The following LRRK1 variants were observed in gnomAD, a reference collection of about 807,000 sequenced individuals.
The protein encoded by LRRK1 is leucine-rich repeat serine/threonine-protein kinase 1.
LRRK1 carries 113 observed loss-of-function variants against 209.1 expected under a neutral mutation model. That is an observed-to-expected ratio of 0.54 (90% CI 0.46 to 0.63). The LOEUF (loss-of-function observed/expected upper bound fraction) is 0.63, where lower values mean the gene tolerates loss of function less well. Among genes scored for constraint, LRRK1 ranks in the 30% least tolerant of loss-of-function variants. LRRK1 has a pLI of 0.00. For synonymous variants in LRRK1, 1,144 were observed against 1,099.7 expected (o/e 1.04, Z -0.80); for missense variants, 2,284 against 2,632.2 (o/e 0.87, Z 2.89).
chr15:101,056,910 C>G lies in LRRK1; in HGVS notation c.4387C>G (p.Pro1463Ala), dbSNP rs765212080. ...CTACGAGTTGCTGTCAGGACAGCGC[C>G]CTGCACTGGGCCACCACCAGCTCCA... The part of the protein sequence containing the change: ...VLYELLSGQR[P>A]ALGHHQLQIA... The change falls in exon 28 of 34, where the codon CCT (proline) becomes GCT (alanine). Residue 1463 changes from proline to alanine, a missense_variant. This residue lies in a region of LRRK1 where 59 missense variants were observed against 103.8 expected (regional missense o/e 0.57). Transcript: ENST00000388948. The G allele has an allele frequency of 1.9e-6, 3 of 1,613,990 alleles. No individual in the cohort carries two copies. The highest frequency in any genetic ancestry group is 4.5e-5 in the East Asian group (2 of 44,896).
At chr15:100,986,981 C>T (rs2031910438) in intron 4 of LRRK1, among the ~76,000 whole-genome samples, 1 of 152,196 alleles carries the variant, frequency 6.6e-6, no homozygotes, top group Non-Finnish European at 1.5e-5. Flanking sequence ...TGCCTGCCTC[C>T]AAAGACTGAC....
At position 101,066,163 on chromosome 15, in the gene LRRK1, C is replaced by G. The variant is rs1322423534; in HGVS notation, c.5726C>G (p.Ala1909Gly). ...DGETFSQHLQ[A>G]VKILAVRDLI... ...GAGACCTTCAGCCAGCACCTGCAGG[C>G]CGTGAAGATCCTCGCCGTCAGAGAC... Residue 1909 changes from alanine (A) to glycine (G), a missense_variant, in exon 32 of 34, where the codon GCC (alanine) becomes GGC (glycine). Around this residue, in one of 6 missense-constraint regions of LRRK1, gnomAD observed 643 missense variants for 695.9 expected, o/e 0.92. Coordinates refer to ENST00000388948, the MANE Select transcript of LRRK1 (RefSeq NM_024652.6). 8.7e-6 allele frequency: 14 copies of G among 1,613,104 alleles called. No individual in the cohort carries two copies. Among genetic ancestry groups the G allele is most frequent in the Non-Finnish European group, 1.2e-5 (14 of 1,179,376 alleles).
chr15:100,962,528 T>TTAAA (rs888844330), intron 2 of LRRK1, among the ~76,000 whole-genome samples: 67 of 151,958 alleles, frequency 4.4e-4, no homozygotes, highest in African/African-American at 1.1e-3. Flanking sequence ...AGACCTTGTC[T>TTAAA]TAAATAAATA....
At chr15:101,051,198 T>A (rs1467872449) in intron 23 of LRRK1, among the ~76,000 whole-genome samples, 1 of 152,252 alleles carries the variant, frequency 6.6e-6, no homozygotes, top group Non-Finnish European at 1.5e-5. Context: ...AGGGTGTTTC[T>A]CTGCACCTCC....
chr15:100,997,428 G>A (rs1372164560), intron 6 of LRRK1, among the ~76,000 whole-genome samples: 1 of 152,154 alleles, frequency 6.6e-6, no homozygotes, highest in Admixed American at 6.5e-5. Context: ...TGCCCTGGCT[G>A]TCACAGTGCT....
At position 101,026,121 on chromosome 15, in the gene LRRK1, A is replaced by G. The variant is rs2034020368; in HGVS notation, c.2389A>G (p.Thr797Ala). The G allele has an allele frequency of 1.2e-6, 2 of 1,614,026 alleles. No individual in the cohort carries two copies. Among genetic ancestry groups the G allele is most frequent in the South Asian group, 1.1e-5 (1 of 91,092 alleles). Residue 797 changes from threonine (T) to alanine (A), a missense_variant, in exon 17 of 34, where the codon ACC becomes GCC. Transcript: ENST00000388948. ...CAGGGCCACAGGCTTCCCAGACATCACCTTCAAACACTTACAGTGAGTGCC... is the reference window on the plus strand; with the variant it reads ...CAGGGCCACAGGCTTCCCAGACATCGCCTTCAAACACTTACAGTGAGTGCC... ...GSRATGFPDI[T>A]FKHLHEISCK...
At chr15:100,951,955 GAAA>G (rs550237148) in intron 2 of LRRK1, among the ~76,000 whole-genome samples, 35 of 135,222 alleles carry the variant, frequency 2.6e-4, no homozygotes, top group South Asian at 1.4e-3. Flanking sequence ...CTCCATCTCA[GAAA>G]AAAAAAAATA....
intron 23 of LRRK1, among the ~76,000 whole-genome samples, chr15:101,051,473 G>A (rs12915781): frequency 0.22 from 32,966 of 152,106 alleles, 4,033 homozygotes; most frequent in Middle Eastern, 0.35. Flanking sequence ...CCCGACCACT[G>A]GACAGTTCTC....
In LRRK1 at chr15:101,022,862, G is replaced by A. The variant is rs747685811; in HGVS notation, c.2067+265G>A. The stretch of plus-strand genomic sequence containing the variant: ...AGGGTTTCACTGTGTCTCTCAGGCT[G>A]GATGCATCCTCAACCTCCCCAGCTT... On this transcript the variant is annotated intron_variant, in intron 15 of 33. Coordinates refer to ENST00000388948, the MANE Select transcript of LRRK1 (RefSeq NM_024652.6). The surrounding 1 kb of genome is among the most constrained non-coding windows in gnomAD (Gnocchi z 4.0). Among the ~76,000 whole-genome samples the A allele has an allele frequency of 6.6e-6, 1 of 150,896 alleles. No individual in the cohort carries two copies. The highest frequency in any genetic ancestry group is 1.5e-5 in the Non-Finnish European group (1 of 67,750).
chr15:101,040,141 T>TAAGGTATA, intron 20 of LRRK1, among the ~76,000 whole-genome samples: 1 of 152,216 alleles, frequency 6.6e-6, no homozygotes, highest in African/African-American at 2.4e-5. Context: ...AGATTGGTGT[T>TAAGGTATA]AGACCTTCCT....
intron 3 of LRRK1, among the ~76,000 whole-genome samples, chr15:100,980,288 TA>T (rs34271682): frequency 0.28 from 40,640 of 146,378 alleles, 5,587 homozygotes; most frequent in East Asian, 0.5. Flanking sequence ...TATGCTGATT[TA>T]AAAAAAAAAA....
intron 6 of LRRK1, among the ~76,000 whole-genome samples, chr15:100,990,448 G>A (rs2032103665): frequency 6.6e-6 from 1 of 151,920 alleles, no homozygotes; most frequent in Non-Finnish European, 1.5e-5. Flanking sequence ...CCAACACTCT[G>A]GTGATTCACA....
chr15:101,065,291 G>C (rs1190795134), intron 31 of LRRK1, 61 bp from the exon 32 acceptor site: 18 of 1,567,840 alleles, frequency 1.1e-5, no homozygotes, highest in Non-Finnish European at 1.5e-5. Flanking sequence ...TGCCTACTCT[G>C]TGTCTCTCTT....
At chr15:100,974,634 G>C (rs1417203765) in intron 3 of LRRK1, among the ~76,000 whole-genome samples, 1 of 152,188 alleles carries the variant, frequency 6.6e-6, no homozygotes, top group Non-Finnish European at 1.5e-5. Context: ...CTGATATTAG[G>C]ATTGCTTCTC....
chr15:101,036,444 AT>A (rs1163552931), intron 20 of LRRK1, among the ~76,000 whole-genome samples: 2 of 151,994 alleles, frequency 1.3e-5, no homozygotes, highest in African/African-American at 2.4e-5. Flanking sequence ...CAGAATTTCC[AT>A]TTGGTTTTTT....
At chr15:101,017,426 G>A (rs1429825418) in intron 12 of LRRK1, among the ~76,000 whole-genome samples, 2 of 152,142 alleles carry the variant, frequency 1.3e-5, no homozygotes, top group Non-Finnish European at 2.9e-5. Flanking sequence ...AGTAAACATA[G>A]AAATACATCG....
intron 2 of LRRK1, among the ~76,000 whole-genome samples, chr15:100,971,587 G>A (rs2030890159): frequency 6.6e-6 from 1 of 152,100 alleles, no homozygotes; most frequent in Non-Finnish European, 1.5e-5. Context: ...ACACATTTGT[G>A]GGGTGTATGT....
intron 2 of LRRK1, among the ~76,000 whole-genome samples, chr15:100,941,428 CTGTGTGTGTG>C (rs140546147): frequency 7.8e-5 from 4 of 51,284 alleles, no homozygotes; most frequent in African/African-American, 2.6e-4. Context: ...GTGTGTGTGT[CTGTGTGTGTG>C]TGTGTGTCTG....
chr15:100,972,562 A>C (rs2030990675), intron 2 of LRRK1, among the ~76,000 whole-genome samples: 1 of 152,120 alleles, frequency 6.6e-6, no homozygotes, highest in Non-Finnish European at 1.5e-5. Context: ...AGCTAGTTTT[A>C]AAGTCGTTTT....
Sources: allele counts gnomAD v4.1 joint callset (sites outside exome capture counted in the v4.1 genomes callset), GRCh38; gene constraint gnomAD v4.1.1; regional missense constraint gnomAD v4.1.1; non-coding constraint Gnocchi (gnomAD v3.1); transcripts MANE v1.5; gene names NCBI Gene and HGNC (gene_info 2026-07-23, HGNC 2026-07-21).